Variants in PRKD1 observed in about 807,000 individuals in gnomAD.
The protein encoded by PRKD1 is protein kinase D1.
A neutral mutation model predicts 95.9 loss-of-function variants in PRKD1; 63 were observed. The observed-to-expected ratio is 0.66, with a 90% CI of 0.54 to 0.81. The LOEUF (loss-of-function observed/expected upper bound fraction) is 0.81, where lower values mean the gene tolerates loss of function less well. Ranked by LOEUF, PRKD1 falls within the 30% of genes least tolerant of loss-of-function variation. The probability of loss-of-function intolerance (pLI) is 0.00; values close to 1 mark genes in which losing one functional copy is unlikely to be tolerated. For synonymous variants in PRKD1, 425 were observed against 423.1 expected (o/e 1.00, Z -0.05); for missense variants, 1,048 against 1,165.3 (o/e 0.90, Z 1.47).
At chr14:29,807,400 A>T (rs577463414) in intron 1 of PRKD1, among the ~76,000 whole-genome samples, 262 of 142,878 alleles carry the variant, frequency 1.8e-3, no homozygotes, top group South Asian at 0.016. Context: ...CTCTTTTTTT[A>T]AAAAAAAAAA....
chr14:29,841,324 A>G lies in PRKD1; in HGVS notation c.264+85925T>C, dbSNP rs1891833677. ...GGCATGATTGGTTTTGAAATGTAAA[A>G]AGGACATGAGATTTTGGATGGGCCG... is the stretch of plus-strand genomic sequence containing the variant. On this transcript the variant is annotated intron_variant, in intron 1 of 17. Coordinates refer to ENST00000331968, the MANE Select transcript of PRKD1 (RefSeq NM_002742.3). Among the ~76,000 whole-genome samples the G allele has an allele frequency of 2.6e-5, 4 of 152,048 alleles. No individual in the cohort carries two copies. In the South Asian group the frequency reaches 8.3e-4, roughly 32 times the overall value.
chr14:29,663,625 G>A, intron 4 of PRKD1, 74 bp downstream of exon 4: 1 of 1,530,632 alleles, frequency 6.5e-7, no homozygotes, highest in Non-Finnish European at 9.0e-7. Context: ...GCCCTGTCTT[G>A]GATTGACATT....
intron 1 of PRKD1, among the ~76,000 whole-genome samples, chr14:29,799,614 G>A (rs1016993231): frequency 4.6e-5 from 7 of 152,208 alleles, no homozygotes; most frequent in African/African-American, 1.4e-4. Context: ...CTCTTACAGA[G>A]TGTCTTTGGG....
At chr14:29,753,016 G>C (rs373040717) in intron 1 of PRKD1, among the ~76,000 whole-genome samples, 22 of 152,028 alleles carry the variant, frequency 1.4e-4, no homozygotes, top group East Asian at 5.8e-4. Context: ...AAAGAAATGA[G>C]GGTATTGAAA....
At chr14:29,811,555 G>A (rs893875880) in intron 1 of PRKD1, among the ~76,000 whole-genome samples, 1 of 152,162 alleles carries the variant, frequency 6.6e-6, no homozygotes, top group Non-Finnish European at 1.5e-5. Flanking sequence ...TAGAAGGGGC[G>A]GCCACATCTA....
At chr14:29,772,451 T>C (rs932525858) in intron 1 of PRKD1, among the ~76,000 whole-genome samples, 1 of 152,220 alleles carries the variant, frequency 6.6e-6, no homozygotes, top group Non-Finnish European at 1.5e-5. Context: ...GAGCAATACA[T>C]TTCTGTTGTT....
chr14:29,700,918 G>C (rs536791280), intron 2 of PRKD1, among the ~76,000 whole-genome samples: 1 of 133,960 alleles, frequency 7.5e-6, no homozygotes, highest in Non-Finnish European at 1.6e-5. Flanking sequence ...AATTCCCCTC[G>C]CTCTCTCGCT....
At chr14:29,864,641 G>A (rs1359251195) in intron 1 of PRKD1, among the ~76,000 whole-genome samples, 1 of 152,146 alleles carries the variant, frequency 6.6e-6, no homozygotes, top group Non-Finnish European at 1.5e-5. Flanking sequence ...AAGAGAGAAT[G>A]TGAGTATGAG....
intron 2 of PRKD1, among the ~76,000 whole-genome samples, chr14:29,706,746 C>CT (rs1013405257): frequency 6.6e-6 from 1 of 152,088 alleles, no homozygotes; most frequent in African/African-American, 2.4e-5. Context: ...ATGGTCCCTT[C>CT]TTTCACAGAG....
At chr14:29,886,174 T>A (rs1382058347) in intron 1 of PRKD1, among the ~76,000 whole-genome samples, 1 of 152,168 alleles carries the variant, frequency 6.6e-6, no homozygotes, top group Non-Finnish European at 1.5e-5. Flanking sequence ...GACACATTCT[T>A]GCACAAGGAA....
At chr14:29,921,897 C>G (rs1895124569) in intron 1 of PRKD1, among the ~76,000 whole-genome samples, 1 of 152,134 alleles carries the variant, frequency 6.6e-6, no homozygotes, top group African/African-American at 2.4e-5. Context: ...TCAAATGAGC[C>G]AATCATCCAA....
At chr14:29,763,348 A>T (rs1888093151) in intron 1 of PRKD1, among the ~76,000 whole-genome samples, 1 of 100,722 alleles carries the variant, frequency 9.9e-6, no homozygotes, top group Non-Finnish European at 2.3e-5. Flanking sequence ...GGAACGAAGC[A>T]AGGAAGGAAG....
At chr14:29,883,702 A>C (rs1893596814) in intron 1 of PRKD1, among the ~76,000 whole-genome samples, 1 of 152,202 alleles carries the variant, frequency 6.6e-6, no homozygotes, top group African/African-American at 2.4e-5. Context: ...TTGAATTTGT[A>C]AATGACCATT....
chr14:29,707,589 T>C (rs192112942), intron 2 of PRKD1, among the ~76,000 whole-genome samples: 22 of 152,252 alleles, frequency 1.4e-4, no homozygotes. Context: ...TTATGATATA[T>C]ATCTGTAAGT....
intron 1 of PRKD1, among the ~76,000 whole-genome samples, chr14:29,776,141 C>T (rs760966122): frequency 9.2e-5 from 14 of 152,180 alleles, no homozygotes; most frequent in Non-Finnish European, 1.6e-4. Context: ...AAAACCCCAT[C>T]AGTACGTCAT....
At chr14:29,657,080 C>A (rs942172062) in intron 4 of PRKD1, among the ~76,000 whole-genome samples, 1 of 152,114 alleles carries the variant, frequency 6.6e-6, no homozygotes, top group Non-Finnish European at 1.5e-5. Context: ...ACAATGTATT[C>A]TTTGCTCATT....
At chr14:29,776,795 A>G (rs1290003797) in intron 1 of PRKD1, among the ~76,000 whole-genome samples, 1 of 152,194 alleles carries the variant, frequency 6.6e-6, no homozygotes, top group Non-Finnish European at 1.5e-5. Context: ...CACAGAGAAC[A>G]CCACAAAGAC....
chr14:29,766,011 C>A (rs966560187), intron 1 of PRKD1, among the ~76,000 whole-genome samples: 3 of 151,810 alleles, frequency 2.0e-5, no homozygotes, highest in African/African-American at 7.3e-5. Flanking sequence ...TGTAGACTTT[C>A]CTGGGTATAT....
At chr14:29,622,490 C>A (rs1029188916) in intron 13 of PRKD1, among the ~76,000 whole-genome samples, 6 of 151,584 alleles carry the variant, frequency 4.0e-5, no homozygotes, top group Non-Finnish European at 8.8e-5. Context: ...TGCAACCTCG[C>A]CTCCCAGGTT....
Sources: gnomAD v4.1 joint callset for allele counts (sites outside exome capture counted in the v4.1 genomes callset) on GRCh38, gnomAD v4.1.1 for gene constraint, MANE v1.5 for transcripts, NCBI Gene and HGNC (gene_info 2026-07-23, HGNC 2026-07-21) for gene names.